ELF1: variants seen among roughly 807,000 people sequenced by gnomAD.
The protein encoded by ELF1 is ETS-related transcription factor Elf-1.
In ELF1, 24 loss-of-function variants were observed where a neutral mutation model predicts 59.9. That is an observed-to-expected ratio of 0.40 (90% CI 0.29 to 0.56). ELF1 has a LOEUF of 0.56. Among genes scored for constraint, ELF1 ranks in the 20% least tolerant of loss-of-function variants. The probability of loss-of-function intolerance (pLI) is 0.44; values close to 1 mark genes in which losing one functional copy is unlikely to be tolerated. For missense variants in ELF1, 627 were observed against 742.2 expected (o/e 0.84, Z 1.80); for synonymous variants, 248 against 266.2 (o/e 0.93, Z 0.67).
chr13:40,980,772 G>A (rs957447591), intron 2 of ELF1, among the ~76,000 whole-genome samples: 1 of 152,058 alleles, frequency 6.6e-6, no homozygotes, highest in East Asian at 1.9e-4. Context: ...CAAACATCCT[G>A]TCTTAAACCA....
chr13:41,009,452 G>T (rs185566456), intron 1 of ELF1, among the ~76,000 whole-genome samples: 38 of 152,148 alleles, frequency 2.5e-4, no homozygotes, highest in Non-Finnish European at 5.3e-4. Flanking sequence ...AATGCCAACT[G>T]CCCTGCAGAA....
Position 40,932,934 on chromosome 13 carries a change from T to C in ELF1, c.*491A>G, listed in dbSNP as rs1593343634. 1 of 158,264 alleles carries C rather than the reference T, an allele frequency of 6.3e-6. No individual in the cohort carries two copies. Among genetic ancestry groups the C allele is most frequent in the African/African-American group, 2.4e-5 (1 of 41,486 alleles). The allele number at this position is 158,264 out of a possible 1,614,324, so 9.8% of individuals were successfully genotyped here. A position where few individuals can be genotyped will look rare whatever the true frequency, so the allele number is the denominator to read the frequency against. On this transcript the variant is annotated 3_prime_UTR_variant, in exon 9 of 9. Transcript: ENST00000239882. ...ATTCTACATATTCATAGTTCTATAT[T>C]ATATAGTGCAGTCAACTAAAGTCAA...
At chr13:41,019,650 T>C (rs1875609972), upstream of ELF1, among the ~76,000 whole-genome samples, 1 of 149,454 alleles carries the variant, frequency 6.7e-6, no homozygotes, top group East Asian at 2.1e-4. Flanking sequence ...CAAATAAAAC[T>C]GTGAAAGGAA....
At chr13:40,941,991 T>C (rs1448076909) in intron 7 of ELF1, among the ~76,000 whole-genome samples, 1 of 152,138 alleles carries the variant, frequency 6.6e-6, no homozygotes, top group African/African-American at 2.4e-5. Flanking sequence ...TAATCAAAAC[T>C]ACCAAAAGCC....
chr13:40,992,273 T>G (rs1873895004), intron 1 of ELF1, among the ~76,000 whole-genome samples: 1 of 152,198 alleles, frequency 6.6e-6, no homozygotes, highest in Non-Finnish European at 1.5e-5. Flanking sequence ...GTTCCTGATG[T>G]TTTTACACTA....
chr13:40,948,447 A>C (rs1870639194), intron 5 of ELF1, among the ~76,000 whole-genome samples: 1 of 152,212 alleles, frequency 6.6e-6, no homozygotes, highest in South Asian at 2.1e-4. Flanking sequence ...CACGGACAAT[A>C]AAACCAGAGC....
At chr13:40,960,865 A>C (rs755574408) in intron 2 of ELF1, among the ~76,000 whole-genome samples, 4 of 152,214 alleles carry the variant, frequency 2.6e-5, no homozygotes, top group Non-Finnish European at 4.4e-5. Context: ...ACACTTCTCT[A>C]TAAAGAATCT....
intron 2 of ELF1, among the ~76,000 whole-genome samples, chr13:40,968,527 A>G (rs549812814): frequency 6.6e-6 from 1 of 152,246 alleles, no homozygotes; most frequent in African/African-American, 2.4e-5. Flanking sequence ...TGTATTTTAA[A>G]TGATTTCAGG....
chr13:41,047,881 G>A (rs1463169621), intron 1 of ELF1, among the ~76,000 whole-genome samples: 6 of 152,232 alleles, frequency 3.9e-5, no homozygotes, highest in African/African-American at 4.8e-5. Flanking sequence ...CAGAGGTGGA[G>A]TCTACAGAGG....
At chr13:41,045,209 T>C (rs1876790943) in intron 1 of ELF1, among the ~76,000 whole-genome samples, 1 of 151,902 alleles carries the variant, frequency 6.6e-6, no homozygotes, top group Non-Finnish European at 1.5e-5. Flanking sequence ...TTGCTAGTGG[T>C]CTATCAATTT....
At chr13:41,002,664 A>T (rs561822035) in intron 1 of ELF1, among the ~76,000 whole-genome samples, 1 of 151,974 alleles carries the variant, frequency 6.6e-6, no homozygotes, top group Non-Finnish European at 1.5e-5. Flanking sequence ...ATTCTTTTGG[A>T]CAAGCACTCT....
intron 2 of ELF1, among the ~76,000 whole-genome samples, chr13:40,959,263 G>A (rs955859349): frequency 9.9e-5 from 15 of 152,088 alleles, no homozygotes; most frequent in Non-Finnish European, 1.5e-4. Context: ...CTGGGAGGCC[G>A]AGGCAGGCAG....
intron 1 of ELF1, among the ~76,000 whole-genome samples, chr13:41,035,498 T>C (rs1014532193): frequency 6.6e-6 from 1 of 152,116 alleles, no homozygotes; most frequent in African/African-American, 2.4e-5. Context: ...CCAAGGCCAC[T>C]TTCTCACTTT....
intron 1 of ELF1, among the ~76,000 whole-genome samples, chr13:41,058,492 T>C (rs922574375): frequency 1.9e-4 from 29 of 152,226 alleles, no homozygotes; most frequent in African/African-American, 6.8e-4. Context: ...GATGTTGCCT[T>C]ACCATATTCT....
At chr13:40,956,436 G>T (rs371440321) in intron 3 of ELF1, among the ~76,000 whole-genome samples, 1 of 151,996 alleles carries the variant, frequency 6.6e-6, no homozygotes, top group African/African-American at 2.4e-5. Flanking sequence ...AAACACTGTG[G>T]AAGGCCGCAG....
At chr13:40,973,797 G>A (rs1433757596) in intron 2 of ELF1, among the ~76,000 whole-genome samples, 8 of 152,152 alleles carry the variant, frequency 5.3e-5, no homozygotes, top group Non-Finnish European at 1.5e-5. Context: ...TAAATAAAAT[G>A]TGGTATATCC....
intron 1 of ELF1, among the ~76,000 whole-genome samples, chr13:41,009,184 T>C (rs1874914192): frequency 6.6e-6 from 1 of 152,026 alleles, no homozygotes; most frequent in South Asian, 2.1e-4. Context: ...TTTTAATTTC[T>C]AACATTGGTT....
intron 1 of ELF1, among the ~76,000 whole-genome samples, chr13:41,024,763 A>C (rs2138398500): frequency 6.6e-6 from 1 of 152,278 alleles, no homozygotes; most frequent in South Asian, 2.1e-4. Flanking sequence ...TTGTTAACCT[A>C]CTATTCAATA....
intron 1 of ELF1, among the ~76,000 whole-genome samples, chr13:41,008,652 T>C (rs1004342518): frequency 2.0e-5 from 3 of 152,282 alleles, no homozygotes; most frequent in South Asian, 2.1e-4. Flanking sequence ...AGTTCATTCA[T>C]AGGTTTTCAG....
Sources: allele counts gnomAD v4.1 joint callset (sites outside exome capture counted in the v4.1 genomes callset), GRCh38; gene constraint gnomAD v4.1.1; transcripts MANE v1.5; gene names NCBI Gene and HGNC (gene_info 2026-07-23, HGNC 2026-07-21).